MED12L: variants seen among roughly 807,000 people sequenced by gnomAD.
MED12L encodes mediator of RNA polymerase II transcription subunit 12-like protein.
In MED12L, 60 loss-of-function variants were observed where a neutral mutation model predicts 281.3. That is an observed-to-expected ratio of 0.21 (90% CI 0.17 to 0.26). The LOEUF (loss-of-function observed/expected upper bound fraction) is 0.26. Among genes scored for constraint, MED12L ranks in the 10% least tolerant of loss-of-function variants. MED12L has a pLI of 1.00. For missense variants in MED12L, 2,146 were observed against 2,680.9 expected (o/e 0.80, Z 4.41); for synonymous variants, 974 against 987.2 (o/e 0.99, Z 0.25).
chr3:151,125,928 A>G (rs1714444485), intron 4 of MED12L, among the ~76,000 whole-genome samples: 1 of 152,098 alleles, frequency 6.6e-6, no homozygotes, highest in South Asian at 2.1e-4. Flanking sequence ...TGTTGTGTGC[A>G]GTGTAATCGC....
chr3:151,114,280 G>A (rs1712383079), intron 2 of MED12L, among the ~76,000 whole-genome samples: 1 of 152,180 alleles, frequency 6.6e-6, no homozygotes, highest in Non-Finnish European at 1.5e-5. Context: ...ATGCTTGGAG[G>A]AGACTTGATT....
chr3:151,242,728 C>A (rs544055857), intron 16 of MED12L, among the ~76,000 whole-genome samples: 1 of 152,224 alleles, frequency 6.6e-6, no homozygotes, highest in Admixed American at 6.5e-5. Context: ...TCCAAAGGAA[C>A]GCAGTTCCTC....
At chr3:151,252,989 C>T (rs1321484172) in intron 16 of MED12L, among the ~76,000 whole-genome samples, 1 of 152,066 alleles carries the variant, frequency 6.6e-6, no homozygotes, top group African/African-American at 2.4e-5. Context: ...TTTAAGGGAA[C>T]TTGCCCTTAA....
At chr3:151,329,858 A>G (rs553976469) in intron 16 of MED12L, among the ~76,000 whole-genome samples, 2 of 152,328 alleles carry the variant, frequency 1.3e-5, no homozygotes, top group African/African-American at 4.8e-5. Context: ...ATTACAATCA[A>G]GTAGGAGAAT....
chr3:151,234,396 G>A (rs965364430), intron 16 of MED12L, among the ~76,000 whole-genome samples: 2 of 152,196 alleles, frequency 1.3e-5, no homozygotes, highest in African/African-American at 2.4e-5. Context: ...ACGTTGTAGA[G>A]CTGAGATTTG....
chr3:151,269,876 G>C (rs1433728968), intron 16 of MED12L: 4 of 460,560 alleles, frequency 8.7e-6, no homozygotes, highest in Non-Finnish European at 1.7e-5. Context: ...CGAAGAACCA[G>C]AGAGCTTCTT....
intron 36 of MED12L, 44 bp downstream of exon 36, chr3:151,385,235 A>C: frequency 9.9e-7 from 1 of 1,009,682 alleles, no homozygotes; most frequent in Non-Finnish European, 1.5e-6. Context: ...TATTTACAAA[A>C]GATGAAATAC....
intron 12 of MED12L, 138 bp downstream of exon 12, chr3:151,185,599 G>T (rs1049696166): frequency 2.3e-6 from 2 of 877,798 alleles, no homozygotes; most frequent in African/African-American, 3.4e-5. Flanking sequence ...ATTCACATAA[G>T]GAAGATTCTT....
rs1172755720 is a variant in MED12L, at chr3:151,434,850, G to GTTAAA, written c.*2050_*2054dup. ...TGCACTTTATACTTTGCAGAGGTGAGTTAAATTATTAATCATTTTGCACAT... is the reference window on the plus strand; with the variant it reads ...TGCACTTTATACTTTGCAGAGGTGAGTTAAATTAAATTATTAATCATTTTGCACAT... On this transcript the variant is annotated 3_prime_UTR_variant, in exon 45 of 45. Transcript: ENST00000687756. 1.3e-5 allele frequency: 2 copies of GTTAAA among 152,184 alleles called. No individual in the cohort carries two copies. Among genetic ancestry groups the GTTAAA allele is most frequent in the Admixed American group, 6.5e-5 (1 of 15,274 alleles). The allele number at this position is 152,184 out of a possible 1,614,324, so 9.4% of individuals were successfully genotyped here. A position where few individuals can be genotyped will look rare whatever the true frequency, so the allele number is the denominator to read the frequency against.
At chr3:151,393,612 G>A (rs1045564443) in intron 38 of MED12L, among the ~76,000 whole-genome samples, 1 of 151,960 alleles carries the variant, frequency 6.6e-6, no homozygotes, top group Non-Finnish European at 1.5e-5. Flanking sequence ...TCCTAGGGAG[G>A]TATATAGCCT....
chr3:151,416,114 A>G (rs1717509756), intron 42 of MED12L, among the ~76,000 whole-genome samples, 198 bp from the exon 43 acceptor site: 1 of 152,188 alleles, frequency 6.6e-6, no homozygotes, highest in South Asian at 2.1e-4. Flanking sequence ...TGGTCCTAGA[A>G]GGCTTCATGG....
In MED12L at chr3:151,156,153, A is replaced by T; in HGVS notation, c.557-8A>T. The T allele has an allele frequency of 6.3e-7, 1 of 1,578,120 alleles. No individual in the cohort carries two copies. Among genetic ancestry groups the T allele is most frequent in the Admixed American group, 2.0e-5 (1 of 51,040 alleles). ...AGAAACTCATATTTTTCTTTTTTTA[A>T]AATGCAGAGTGGACACAGATATCTA... is the stretch of plus-strand genomic sequence containing the variant. On this transcript the variant is annotated splice_region_variant and splice_polypyrimidine_tract_variant and intron_variant, in intron 5 of 44. Coordinates refer to ENST00000687756, the MANE Select transcript of MED12L (RefSeq NM_001393769.1).
intron 20 of MED12L, among the ~76,000 whole-genome samples, chr3:151,358,692 A>G (rs1754239715): frequency 6.6e-6 from 1 of 152,066 alleles, no homozygotes; most frequent in Admixed American, 6.6e-5. Flanking sequence ...ACTTTGTTGT[A>G]TTTTTACCTT....
At chr3:151,263,727 C>T (rs1056326454) in intron 16 of MED12L, among the ~76,000 whole-genome samples, 1 of 149,882 alleles carries the variant, frequency 6.7e-6, no homozygotes, top group African/African-American at 2.5e-5. Flanking sequence ...ATTAAGAATG[C>T]AGGCTACAGG....
At chr3:151,364,910 T>G in intron 21 of MED12L, 69 bp from the exon 22 acceptor site, 2 of 1,111,050 alleles carry the variant, frequency 1.8e-6, no homozygotes, top group Non-Finnish European at 2.7e-6. Flanking sequence ...AATATGTCCT[T>G]AAGTGAAATA....
At position 151,360,561 on chromosome 3, in the gene MED12L, T is replaced by C. The variant is rs768317492; in HGVS notation, c.2913T>C (p.Tyr971=). The C allele has an allele frequency of 1.4e-5, 22 of 1,612,824 alleles. No homozygotes were observed. Among genetic ancestry groups the C allele is most frequent in the Non-Finnish European group, 1.9e-5 (22 of 1,179,162 alleles). ...RCILAYLYDL[Y]VSCSHLRSKF... ...TTTTAGCCTACCTCTATGATCTCTA[T>C]GTGTCATGTAGCCACCTCAGAAGTA... The change falls in exon 21 of 45, where the codon TAT becomes TAC. Residue 971 remains tyrosine, a synonymous_variant. Transcript: ENST00000687756.
chr3:151,230,187 G>T (rs548558408), intron 16 of MED12L, among the ~76,000 whole-genome samples: 30 of 151,998 alleles, frequency 2.0e-4, no homozygotes, highest in African/African-American at 7.2e-4. Flanking sequence ...TGTTAGCCAG[G>T]ATTGTCTTGA....
intron 2 of MED12L, among the ~76,000 whole-genome samples, chr3:151,097,726 A>G (rs1186234976): frequency 6.6e-6 from 1 of 152,180 alleles, no homozygotes; most frequent in East Asian, 1.9e-4. Context: ...GTACTTGCAT[A>G]TAGTGAGTAG....
intron 16 of MED12L, among the ~76,000 whole-genome samples, chr3:151,232,172 ATTCTT>A (rs1731817769): frequency 6.6e-6 from 1 of 151,652 alleles, no homozygotes; most frequent in Non-Finnish European, 1.5e-5. Flanking sequence ...TTCTTGTTCT[ATTCTT>A]GGCCATTTTC....
Sources: allele counts gnomAD v4.1 joint callset (sites outside exome capture counted in the v4.1 genomes callset), GRCh38; gene constraint gnomAD v4.1.1; transcripts MANE v1.5; gene names NCBI Gene and HGNC (gene_info 2026-07-23, HGNC 2026-07-21).